CTNNA3: variants seen among roughly 807,000 people sequenced by gnomAD.
The protein encoded by CTNNA3 is catenin alpha 3.
In CTNNA3, 76 loss-of-function variants were observed where a neutral mutation model predicts 95.7. That is an observed-to-expected ratio of 0.79 (90% confidence interval 0.66 to 0.96). The LOEUF is 0.96. Ranked by LOEUF, CTNNA3 falls within the 40% of genes least tolerant of loss-of-function variation. The pLI, the probability that CTNNA3 is intolerant of heterozygous loss-of-function variation, is 0.00. For missense variants in CTNNA3, 1,191 were observed against 1,089.8 expected (o/e 1.09, Z -1.31); for synonymous variants, 431 against 374.4 (o/e 1.15, Z -1.74).
chr10:67,740,338 C>G (rs1374793454), intron 1 of CTNNA3, among the ~76,000 whole-genome samples: 1 of 151,872 alleles, frequency 6.6e-6, no homozygotes, highest in Non-Finnish European at 1.5e-5. Context: ...AGCTTCTGCA[C>G]AGCAAAACAA....
intron 7 of CTNNA3, among the ~76,000 whole-genome samples, chr10:67,072,686 A>ATCTTTATC (rs1361957869): frequency 6.6e-6 from 1 of 152,262 alleles, no homozygotes; most frequent in East Asian, 1.9e-4. Context: ...AGCCTGGTAT[A>ATCTTTATC]TCTTTATCTT....
intron 11 of CTNNA3, among the ~76,000 whole-genome samples, chr10:66,416,815 C>T (rs1446064898): frequency 2.0e-5 from 3 of 151,954 alleles, no homozygotes; most frequent in African/African-American, 7.2e-5. Flanking sequence ...TCAAAGAACT[C>T]CTAAACATGG....
chr10:66,493,042 G>C (rs954999297), intron 11 of CTNNA3, among the ~76,000 whole-genome samples: 2 of 152,068 alleles, frequency 1.3e-5, no homozygotes, highest in African/African-American at 4.8e-5. Context: ...ATACCAAATT[G>C]AATTGAAAAG....
chr10:66,360,634 T>C (rs1311211155), intron 12 of CTNNA3, among the ~76,000 whole-genome samples: 17 of 47,894 alleles, frequency 3.5e-4, no homozygotes, highest in African/African-American at 1.2e-3. Flanking sequence ...TTTCTTTCTT[T>C]CTTTCTTTCT....
At chr10:65,920,699 G>GC (rs1489801948) in intron 17 of CTNNA3, 82 bp from the exon 18 acceptor site, 3 of 1,444,750 alleles carry the variant, frequency 2.1e-6, no homozygotes, top group Non-Finnish European at 2.8e-6. Context: ...GGTGGCATGT[G>GC]CCCGTTGCCC....
At chr10:66,175,617 G>T (rs960398670) in intron 13 of CTNNA3, among the ~76,000 whole-genome samples, 4 of 152,154 alleles carry the variant, frequency 2.6e-5, no homozygotes, top group Non-Finnish European at 4.4e-5. Flanking sequence ...CTATTGGTGA[G>T]AGGAGGGTAT....
Position 67,180,355 on chromosome 10 carries a change from G to C in CTNNA3, c.1009C>G (p.Gln337Glu). 6.2e-7 allele frequency: 1 copy of C among 1,613,626 alleles called. No homozygotes were observed. The change falls in exon 7 of 18, where the codon CAG becomes GAG. Residue 337 changes from glutamine (Q) to glutamate (E), a missense_variant. Transcript: ENST00000433211. ...TCTGAAAGCAGATCCTGAAGAGCCT[G>C]GCGAATGGCGTTGCATTCTGCGATA... Reference protein sequence around the residue: ...RIIAECNAIRQALQDLLSEYM... With the variant: ...RIIAECNAIREALQDLLSEYM...
intron 6 of CTNNA3, among the ~76,000 whole-genome samples, chr10:67,193,264 C>G (rs972446803): frequency 6.6e-6 from 1 of 151,956 alleles, no homozygotes; most frequent in Admixed American, 6.6e-5. Flanking sequence ...TATATCAAAT[C>G]ATCACATTGT....
intron 5 of CTNNA3, among the ~76,000 whole-genome samples, chr10:67,473,013 T>A (rs542373332): frequency 6.6e-6 from 1 of 152,238 alleles, no homozygotes; most frequent in Non-Finnish European, 1.5e-5. Context: ...CTTGCTCATA[T>A]GTTTCTCTCT....
Position 66,280,639 on chromosome 10 carries a change from A to G in CTNNA3, c.1733-18T>C. On this transcript the variant is annotated intron_variant, in intron 12 of 17. Coordinates refer to ENST00000433211, the MANE Select transcript of CTNNA3 (RefSeq NM_013266.4). Reference sequence around the variant, plus strand: ...AGGAATTACTGTTAAAATAAAGAATAAGGAGAAGATTGTCCTCTTTGTATT... The same window carrying G: ...AGGAATTACTGTTAAAATAAAGAATGAGGAGAAGATTGTCCTCTTTGTATT... The G allele has an allele frequency of 1.0e-5, 16 of 1,591,038 alleles. No individual in the cohort carries two copies. Among genetic ancestry groups the G allele is most frequent in the Non-Finnish European group, 1.4e-5 (16 of 1,169,564 alleles).
chr10:66,603,937 A>G (rs550347422), intron 10 of CTNNA3, among the ~76,000 whole-genome samples: 1 of 152,254 alleles, frequency 6.6e-6, no homozygotes, highest in East Asian at 1.9e-4. Flanking sequence ...ATAAAATTAT[A>G]TTAAAAACAT....
intron 9 of CTNNA3, among the ~76,000 whole-genome samples, chr10:66,702,963 C>T (rs768386394): frequency 6.6e-5 from 10 of 152,054 alleles, no homozygotes; most frequent in Non-Finnish European, 1.5e-4. Context: ...GATTCAAAAC[C>T]ATCTGGACTA....
intron 5 of CTNNA3, among the ~76,000 whole-genome samples, chr10:67,453,808 T>C (rs967993280): frequency 6.6e-6 from 1 of 152,200 alleles, no homozygotes; most frequent in East Asian, 1.9e-4. Flanking sequence ...TAGAGTTTCC[T>C]TTTGTTAATT....
intron 5 of CTNNA3, among the ~76,000 whole-genome samples, chr10:67,504,451 A>AAAAAAAAAAAAAAAAAACAAAAAAAAAC (rs1564699349): frequency 2.1e-5 from 3 of 143,530 alleles, no homozygotes; most frequent in Non-Finnish European, 4.6e-5. Context: ...AAAAAAAAAA[A>AAAAAAAAAAAAAAAAAACAAAAAAAAAC]AAAAAAAAAC....
In CTNNA3 at chr10:67,387,034, G is replaced by A. The variant is rs78717616; in HGVS notation, c.579+134808C>T. Among the ~76,000 whole-genome samples, 112 of 152,242 alleles carry A rather than the reference G, an allele frequency of 7.4e-4. 2 individuals are homozygous for A. The East Asian group carries it at 0.021, about 29-fold the overall frequency. On this transcript the variant is annotated intron_variant, in intron 5 of 17. Transcript: ENST00000433211. ...CTGAAGTTCTGATCTGTAACAAGAA[G>A]CCCGTTAGTTGAGGGAGGACCCAAG...
chr10:66,386,960 G>A (rs1589174990), intron 11 of CTNNA3, among the ~76,000 whole-genome samples: 2 of 152,284 alleles, frequency 1.3e-5, no homozygotes, highest in East Asian at 3.9e-4. Context: ...ATGGATTAAA[G>A]ACTTAAATGT....
At chr10:66,858,550 T>C (rs900881337) in intron 7 of CTNNA3, among the ~76,000 whole-genome samples, 21 of 151,990 alleles carry the variant, frequency 1.4e-4, no homozygotes, top group Admixed American at 3.9e-4. Context: ...TTCTGGTTGG[T>C]AGGCTTTTTG....
Position 66,014,976 on chromosome 10 carries a change from G to A in CTNNA3, c.2160-26179C>T, listed in dbSNP as rs552795651. On this transcript the variant is annotated intron_variant, in intron 15 of 17. Coordinates refer to ENST00000433211, the MANE Select transcript of CTNNA3 (RefSeq NM_013266.4). ...AAATTAGCTGGGCATGGTGGCGCAC[G>A]CCTGTAGTCCCAGCTACTCAGGAGG... 1.6e-4 allele frequency among the ~76,000 whole-genome samples: 24 copies of A among 152,060 alleles called. No homozygotes were observed. The South Asian group carries it at 4.4e-3, about 28-fold the overall frequency.
intron 13 of CTNNA3, among the ~76,000 whole-genome samples, chr10:66,251,650 A>G (rs1045599109): frequency 6.6e-6 from 1 of 152,218 alleles, no homozygotes; most frequent in African/African-American, 2.4e-5. Flanking sequence ...ATAATATTAC[A>G]GCTATATAAT....
Sources: allele counts gnomAD v4.1 joint callset (sites outside exome capture counted in the v4.1 genomes callset), GRCh38; gene constraint gnomAD v4.1.1; transcripts MANE v1.5; gene names NCBI Gene and HGNC (gene_info 2026-07-23, HGNC 2026-07-21).